Variants in SOX5 observed in about 807,000 individuals in gnomAD.
The protein encoded by SOX5 is transcription factor SOX-5.
SOX5 carries 9 observed loss-of-function variants against 92.0 expected under a neutral mutation model. The ratio of observed to expected loss-of-function variants is 0.10; its 90% CI spans 0.06 to 0.17. The LOEUF is 0.17. Among genes scored for constraint, SOX5 ranks in the 10% least tolerant of loss-of-function variants. The probability of loss-of-function intolerance (pLI) is 1.00; values close to 1 mark genes in which losing one functional copy is unlikely to be tolerated. For synonymous variants in SOX5, 344 were observed against 336.3 expected (o/e 1.02, Z -0.25); for missense variants, 642 against 944.5 (o/e 0.68, Z 4.20).
At chr12:24,374,620 G>A (rs186717902) in intron 1 of SOX5, among the ~76,000 whole-genome samples, 1 of 152,278 alleles carries the variant, frequency 6.6e-6, no homozygotes, top group East Asian at 1.9e-4. Flanking sequence ...GCAATGGTAG[G>A]TCAGCAACAG....
intron 1 of SOX5, among the ~76,000 whole-genome samples, chr12:24,441,477 A>G (rs1488227440): frequency 6.6e-6 from 1 of 152,200 alleles, no homozygotes; most frequent in Non-Finnish European, 1.5e-5. Flanking sequence ...TAAAACAGCA[A>G]TTGGATGTGT....
At chr12:23,871,832 C>T (rs908157341) in intron 2 of SOX5, among the ~76,000 whole-genome samples, 5 of 151,958 alleles carry the variant, frequency 3.3e-5, no homozygotes, top group African/African-American at 9.7e-5. Context: ...TTATGGGTTC[C>T]GGCACTGTGC....
At chr12:24,498,337 G>C (rs1947852516) in intron 1 of SOX5, among the ~76,000 whole-genome samples, 1 of 152,148 alleles carries the variant, frequency 6.6e-6, no homozygotes, top group African/African-American at 2.4e-5. Context: ...GCAAATCAGT[G>C]ATAGGACTGA....
chr12:23,547,482 A>T (rs1943362742), intron 11 of SOX5, among the ~76,000 whole-genome samples: 1 of 152,258 alleles, frequency 6.6e-6, no homozygotes, highest in South Asian at 2.1e-4. Flanking sequence ...AAAGTAATCA[A>T]TGATGTAAGA....
intron 4 of SOX5, among the ~76,000 whole-genome samples, chr12:24,095,665 A>G (rs1945316493): frequency 1.3e-5 from 2 of 152,152 alleles, no homozygotes; most frequent in African/African-American, 2.4e-5. Context: ...TCTCATCTTG[A>G]ATTGTAATCC....
intron 4 of SOX5, among the ~76,000 whole-genome samples, chr12:23,997,425 T>C (rs191158579): frequency 2.1e-4 from 32 of 152,264 alleles, no homozygotes; most frequent in Admixed American, 1.2e-3. Flanking sequence ...GAGATTACAA[T>C]ACTGGAGATA....
At chr12:24,186,711 C>A (rs932582884) in intron 4 of SOX5, among the ~76,000 whole-genome samples, 1 of 151,970 alleles carries the variant, frequency 6.6e-6, no homozygotes, top group Non-Finnish European at 1.5e-5. Flanking sequence ...AAAACTATTA[C>A]AGCATGAGTT....
chr12:23,751,546 A>T (rs1479693117), intron 4 of SOX5, among the ~76,000 whole-genome samples: 1 of 151,878 alleles, frequency 6.6e-6, no homozygotes, highest in East Asian at 1.9e-4. Flanking sequence ...ATCCCTTTCA[A>T]GCCACTGACT....
chr12:24,562,093 C>A (rs1954420472), intron 1 of SOX5, among the ~76,000 whole-genome samples: 1 of 152,184 alleles, frequency 6.6e-6, no homozygotes, highest in Non-Finnish European at 1.5e-5. Flanking sequence ...ATGACAGGGC[C>A]ACTCCGCGCC....
chr12:23,676,749 TC>T (rs1171602250), intron 6 of SOX5, among the ~76,000 whole-genome samples: 1 of 152,204 alleles, frequency 6.6e-6, no homozygotes, highest in Non-Finnish European at 1.5e-5. Context: ...CACTTTTCTC[TC>T]CGTTATTTGG....
chr12:23,909,839 T>TC (rs2097332391), intron 1 of SOX5, among the ~76,000 whole-genome samples: 1 of 151,138 alleles, frequency 6.6e-6, no homozygotes, highest in African/African-American at 2.4e-5. Flanking sequence ...AGAACATTTT[T>TC]TTTCCACTAC....
chr12:23,761,536 AT>A lies in SOX5; in HGVS notation c.482-5813del, dbSNP rs571535909. On this transcript the variant is annotated intron_variant, in intron 3 of 14. Transcript: ENST00000451604. ...ATAACTGGTTTAGACCAAACTTTTCATTTTACAGACTAAAAAAGTACCAATT... is the reference window on the plus strand; with the variant it reads ...ATAACTGGTTTAGACCAAACTTTTCATTTACAGACTAAAAAAGTACCAATT... Among the ~76,000 whole-genome samples the A allele has an allele frequency of 2.0e-4, 30 of 152,218 alleles. No homozygotes were observed. In the East Asian group the frequency reaches 3.1e-3, roughly 16 times the overall value.
intron 10 of SOX5, among the ~76,000 whole-genome samples, chr12:23,569,373 A>C (rs1192603999): frequency 6.6e-6 from 1 of 152,236 alleles, no homozygotes; most frequent in African/African-American, 2.4e-5. Flanking sequence ...GAAATACAAA[A>C]TTAAAGTTAA....
chr12:23,672,895 C>T (rs1412348878), intron 6 of SOX5, among the ~76,000 whole-genome samples: 1 of 152,032 alleles, frequency 6.6e-6, no homozygotes, highest in Non-Finnish European at 1.5e-5. Context: ...TTATAGTAAA[C>T]TTTATTTTCA....
intron 7 of SOX5, 135 bp downstream of exon 7, chr12:23,665,309 A>G: frequency 1.0e-6 from 1 of 952,850 alleles, no homozygotes. Context: ...TTCTCCACAC[A>G]TTCTGTGTGT....
intron 1 of SOX5, among the ~76,000 whole-genome samples, chr12:23,909,913 C>G (rs2097333318): frequency 6.6e-6 from 1 of 151,918 alleles, no homozygotes; most frequent in South Asian, 2.1e-4. Flanking sequence ...GGGACCAAAT[C>G]CACCCCAACC....
intron 4 of SOX5, among the ~76,000 whole-genome samples, chr12:24,205,533 G>A (rs887563628): frequency 4.2e-4 from 64 of 152,194 alleles, no homozygotes; most frequent in South Asian, 4.1e-4. Flanking sequence ...GAGTTGAGTG[G>A]AATGTGAACT....
chr12:23,746,471 G>C (rs1387591307), intron 4 of SOX5, among the ~76,000 whole-genome samples: 1 of 152,128 alleles, frequency 6.6e-6, no homozygotes, highest in Non-Finnish European at 1.5e-5. Context: ...TCACTTGTGT[G>C]TGACTGATAG....
intron 2 of SOX5, among the ~76,000 whole-genome samples, chr12:24,363,507 T>A (rs1955828541): frequency 6.6e-6 from 1 of 152,204 alleles, no homozygotes. Context: ...GGTTACATGA[T>A]ACAAAATATA....
Sources: gnomAD v4.1 joint callset for allele counts (sites outside exome capture counted in the v4.1 genomes callset) on GRCh38, gnomAD v4.1.1 for gene constraint, MANE v1.5 for transcripts, NCBI Gene and HGNC (gene_info 2026-07-23, HGNC 2026-07-21) for gene names.